Variants in SAMTOR observed in about 807,000 individuals in gnomAD.
SAMTOR encodes S-adenosylmethionine sensor upstream of mTORC1.
chr7:112,874,969 C>T, the SAMTOR span, among the ~76,000 whole-genome samples: 1 of 152,114 alleles, frequency 6.6e-6, no homozygotes, highest in Admixed American at 6.5e-5. Flanking sequence ...CATGCAATCA[C>T]AGGGGGAATC....
At chr7:112,839,678 T>C in the SAMTOR span, among the ~76,000 whole-genome samples, 2 of 151,902 alleles carry the variant, frequency 1.3e-5, no homozygotes, top group Non-Finnish European at 1.5e-5. Flanking sequence ...TAATCTTTGA[T>C]GAATCCTGGA....
At chr7:112,891,843 A>G in the SAMTOR span, among the ~76,000 whole-genome samples, 4 of 152,310 alleles carry the variant, frequency 2.6e-5, no homozygotes, top group South Asian at 4.1e-4. Flanking sequence ...TTGCCTTGAT[A>G]CTCATGGCTG....
chr7:112,923,111 C>T, the SAMTOR span, among the ~76,000 whole-genome samples: 2 of 152,208 alleles, frequency 1.3e-5, no homozygotes, highest in African/African-American at 4.8e-5. Context: ...ACATGGGAGA[C>T]TTTTCATTTT....
the SAMTOR span, among the ~76,000 whole-genome samples, chr7:112,837,702 A>G: frequency 6.6e-6 from 1 of 151,944 alleles, no homozygotes; most frequent in South Asian, 2.1e-4. Flanking sequence ...TATACAGTAA[A>G]TTCTGGCTAC....
At chr7:112,835,054 G>A in the SAMTOR span, among the ~76,000 whole-genome samples, 1 of 152,074 alleles carries the variant, frequency 6.6e-6, no homozygotes. Context: ...ACTTTATCAT[G>A]GGTATGTATA....
chr7:112,849,835 T>C, the SAMTOR span, among the ~76,000 whole-genome samples: 1 of 152,224 alleles, frequency 6.6e-6, no homozygotes, highest in Non-Finnish European at 1.5e-5. Context: ...ATGCTTTTTC[T>C]GTGTCTATTG....
At chr7:112,933,869 T>C in the SAMTOR span, among the ~76,000 whole-genome samples, 5 of 152,172 alleles carry the variant, frequency 3.3e-5, no homozygotes, top group African/African-American at 1.2e-4. Context: ...TTAAGAACCA[T>C]GGCCTTAGAC....
chr7:112,905,645 C>T, the SAMTOR span, among the ~76,000 whole-genome samples: 3 of 152,156 alleles, frequency 2.0e-5, no homozygotes, highest in Non-Finnish European at 4.4e-5. Flanking sequence ...ATATAATTCA[C>T]TATATTCATA....
At chr7:112,909,263 C>G in the SAMTOR span, among the ~76,000 whole-genome samples, 1 of 152,180 alleles carries the variant, frequency 6.6e-6, no homozygotes, top group African/African-American at 2.4e-5. Context: ...ATACTCACTT[C>G]TGGTTTTGTG....
chr7:112,909,297 G>C, the SAMTOR span, among the ~76,000 whole-genome samples: 10,749 of 152,210 alleles, frequency 0.071, 439 homozygotes, highest in South Asian at 0.13. Context: ...ACAATGAACA[G>C]GGAAAGACCC....
At chr7:112,835,674 C>A in the SAMTOR span, among the ~76,000 whole-genome samples, 1 of 151,998 alleles carries the variant, frequency 6.6e-6, no homozygotes, top group Non-Finnish European at 1.5e-5. Context: ...TATGTTGTTT[C>A]CCTCTTTGGG....
chr7:112,919,152 T>G, the SAMTOR span, among the ~76,000 whole-genome samples: 12 of 152,292 alleles, frequency 7.9e-5, no homozygotes, highest in East Asian at 1.3e-3. Flanking sequence ...TACATTTTTT[T>G]CAGCACCACA....
chr7:112,882,512 A>C, the SAMTOR span, among the ~76,000 whole-genome samples: 1 of 152,112 alleles, frequency 6.6e-6, no homozygotes, highest in Non-Finnish European at 1.5e-5. Context: ...AACATGGTGA[A>C]ACCCCATCTC....
chr7:112,910,437 A>G, the SAMTOR span, among the ~76,000 whole-genome samples: 6 of 152,210 alleles, frequency 3.9e-5, no homozygotes, highest in African/African-American at 9.7e-5. Context: ...AATTTTAAAA[A>G]TAATTGTTTT....
At chr7:112,822,836 T>A in the SAMTOR span, among the ~76,000 whole-genome samples, 1 of 152,104 alleles carries the variant, frequency 6.6e-6, no homozygotes, top group Non-Finnish European at 1.5e-5. Context: ...ACAAGCAGAA[T>A]GATTCCAAAA....
chr7:112,915,455 CAA>C, the SAMTOR span: 4 of 1,576,850 alleles, frequency 2.5e-6, no homozygotes, highest in Admixed American at 7.4e-5. Context: ...CCACTAAAAA[CAA>C]AGTGATAAAT....
the SAMTOR span, among the ~76,000 whole-genome samples, chr7:112,900,468 A>G: frequency 3.3e-5 from 5 of 152,222 alleles, no homozygotes; most frequent in Non-Finnish European, 2.9e-5. Context: ...TATCAATCTC[A>G]TTTGGAAACA....
At chr7:112,825,827 G>A in the SAMTOR span, among the ~76,000 whole-genome samples, 13 of 150,606 alleles carry the variant, frequency 8.6e-5, no homozygotes, top group African/African-American at 3.2e-4. Flanking sequence ...CCTTTATCAG[G>A]TTCAAGAAAT....
the SAMTOR span, among the ~76,000 whole-genome samples, chr7:112,904,748 A>G: frequency 6.6e-6 from 1 of 152,232 alleles, no homozygotes; most frequent in Non-Finnish European, 1.5e-5. Context: ...CGGTAGAAAT[A>G]AAAAGTTTAA....
Sources: allele counts gnomAD v4.1 joint callset (sites outside exome capture counted in the v4.1 genomes callset), GRCh38; gene constraint gnomAD v4.1.1; transcripts MANE v1.5; gene names NCBI Gene and HGNC (gene_info 2026-07-23, HGNC 2026-07-21).